MALRD1: variants seen among roughly 807,000 people sequenced by gnomAD.
MALRD1 encodes MAM and LDL receptor class A domain containing 1, also known as MAM and LDL-receptor class A domain-containing protein 1.
A neutral mutation model predicts 242.1 loss-of-function variants in MALRD1; 247 were observed. The ratio of observed to expected loss-of-function variants is 1.02; its 90% CI spans 0.92 to 1.13. The LOEUF is 1.13. MALRD1 is among the 50% of genes most tolerant of loss of function. MALRD1 has a pLI of 0.00. For missense variants in MALRD1, 2,989 were observed against 2,533.1 expected (o/e 1.18, Z -3.86); for synonymous variants, 995 against 866.6 (o/e 1.15, Z -2.60).
At position 19,068,801 on chromosome 10, in the gene MALRD1, G is replaced by A. The variant is rs565978797; in HGVS notation, c.340+1942G>A. 4.6e-5 allele frequency among the ~76,000 whole-genome samples: 7 copies of A among 152,160 alleles called. No individual in the cohort carries two copies. The East Asian group carries it at 1.2e-3, about 25-fold the overall frequency. On this transcript the variant is annotated intron_variant, in intron 2 of 39. Coordinates refer to ENST00000454679, the MANE Select transcript of MALRD1 (RefSeq NM_001142308.3). ...TTTTTGATTAACTTACTCTTGAAATGATTTGCCAGTGCTCCAAAATTATAT... is the reference window on the plus strand; with the variant it reads ...TTTTTGATTAACTTACTCTTGAAATAATTTGCCAGTGCTCCAAAATTATAT...
At chr10:19,244,442 A>T (rs896651620) in intron 18 of MALRD1, among the ~76,000 whole-genome samples, 1 of 152,040 alleles carries the variant, frequency 6.6e-6, no homozygotes, top group African/African-American at 2.4e-5. Flanking sequence ...ATGGTGGCAC[A>T]TGCCTGTGGT....
At chr10:19,344,561 A>C (rs1255333545) in intron 24 of MALRD1, among the ~76,000 whole-genome samples, 1 of 152,012 alleles carries the variant, frequency 6.6e-6, no homozygotes, top group African/African-American at 2.4e-5. Context: ...TGTATCATAA[A>C]TCTTGAAATC....
At chr10:19,458,960 TATC>T (rs1017242007) in intron 29 of MALRD1, among the ~76,000 whole-genome samples, 17 of 152,166 alleles carry the variant, frequency 1.1e-4, no homozygotes, top group African/African-American at 4.1e-4. Context: ...TTTAAAAGTA[TATC>T]ATCAAGCCCA....
chr10:19,519,772 A>G (rs1564408977), intron 31 of MALRD1, among the ~76,000 whole-genome samples: 1 of 152,178 alleles, frequency 6.6e-6, no homozygotes, highest in African/African-American at 2.4e-5. Context: ...TCAAACAACA[A>G]TAACAAAAAA....
intron 32 of MALRD1, among the ~76,000 whole-genome samples, chr10:19,564,518 T>A (rs1286946433): frequency 1.3e-5 from 2 of 152,052 alleles, no homozygotes; most frequent in Non-Finnish European, 2.9e-5. Context: ...AAAGTTATGC[T>A]AAAATTATTA....
At position 19,231,840 on chromosome 10, in the gene MALRD1, TTG is replaced by T. The variant is rs376226553; in HGVS notation, c.2991+22162_2991+22163del. 1.7e-3 allele frequency among the ~76,000 whole-genome samples: 263 copies of T among 150,776 alleles called. 1 individual carries two copies. Among genetic ancestry groups the T allele is most frequent in the South Asian group, 0.011 (54 of 4,822 alleles). On this transcript the variant is annotated intron_variant, in intron 18 of 39. Coordinates refer to ENST00000454679, the MANE Select transcript of MALRD1 (RefSeq NM_001142308.3). ...GATCACCGAGTCCCGCTTTCTGTTT[TTG>T]TTTTTTTTCTAGCCTATATTTCTAC...
intron 33 of MALRD1, among the ~76,000 whole-genome samples, chr10:19,586,349 T>C (rs1250123379): frequency 6.6e-6 from 1 of 152,190 alleles, no homozygotes; most frequent in Admixed American, 6.5e-5. Context: ...TTCCCCATTT[T>C]TGTGGTTTTA....
intron 33 of MALRD1, among the ~76,000 whole-genome samples, chr10:19,580,483 C>G (rs901226382): frequency 6.6e-6 from 1 of 152,208 alleles, no homozygotes; most frequent in Non-Finnish European, 1.5e-5. Context: ...CATCGCCCAT[C>G]ATCCACTGCC....
At chr10:19,225,613 A>T (rs747750649) in intron 18 of MALRD1, among the ~76,000 whole-genome samples, 1 of 152,148 alleles carries the variant, frequency 6.6e-6, no homozygotes, top group Non-Finnish European at 1.5e-5. Context: ...TTCTAACTGC[A>T]GTGCTCCTGT....
At chr10:19,534,358 G>A (rs1379939702) in intron 32 of MALRD1, among the ~76,000 whole-genome samples, 1 of 152,184 alleles carries the variant, frequency 6.6e-6, no homozygotes, top group African/African-American at 2.4e-5. Flanking sequence ...AACCAGTGAA[G>A]TGGAAACCCA....
Position 19,456,874 on chromosome 10 carries a change from G to A in MALRD1, c.5029+6384G>A, listed in dbSNP as rs1458097656. Among the ~76,000 whole-genome samples the A allele has an allele frequency of 2.6e-5, 4 of 151,788 alleles. No individual in the cohort carries two copies. The East Asian group carries it at 7.7e-4, about 29-fold the overall frequency. On this transcript the variant is annotated intron_variant, in intron 29 of 39. Transcript: ENST00000454679. ...TGCAACCTCCACCTCCTGGGTTCAA[G>A]CGATTCTCATGCCTCAGCCTCGTGA...
intron 15 of MALRD1, 25 bp from the exon 16 acceptor site, chr10:19,204,283 T>TTTG: frequency 1.2e-6 from 1 of 847,942 alleles, no homozygotes; most frequent in Non-Finnish European, 1.6e-6. Flanking sequence ...AATGAAGCGT[T>TTTG]TTTTTTTTTT....
At chr10:19,324,354 T>C (rs1394668518) in intron 22 of MALRD1, among the ~76,000 whole-genome samples, 1 of 152,174 alleles carries the variant, frequency 6.6e-6, no homozygotes, top group Non-Finnish European at 1.5e-5. Context: ...GGTAATACTA[T>C]TTTACACTTG....
chr10:19,640,131 C>T (rs1840317752), intron 36 of MALRD1, among the ~76,000 whole-genome samples: 1 of 152,016 alleles, frequency 6.6e-6, no homozygotes, highest in African/African-American at 2.4e-5. Flanking sequence ...CTCTTGTCAC[C>T]CAGGCTGGAG....
chr10:19,607,440 T>C (rs995394007), intron 34 of MALRD1, among the ~76,000 whole-genome samples: 2 of 152,066 alleles, frequency 1.3e-5, no homozygotes, highest in Admixed American at 6.6e-5. Context: ...TCTCTCTTCT[T>C]ATAACCTTTG....
At chr10:19,446,595 C>T (rs1290537170) in intron 28 of MALRD1, among the ~76,000 whole-genome samples, 1 of 151,866 alleles carries the variant, frequency 6.6e-6, no homozygotes, top group Non-Finnish European at 1.5e-5. Flanking sequence ...TTGCACAGCC[C>T]ATAAAGGAAA....
chr10:19,230,562 A>C (rs1023514303), intron 18 of MALRD1, among the ~76,000 whole-genome samples: 7 of 152,180 alleles, frequency 4.6e-5, no homozygotes, highest in African/African-American at 9.7e-5. Context: ...GGACAGCACC[A>C]AGCCATTCAG....
chr10:19,218,280 A>C (rs1837411270), intron 18 of MALRD1, among the ~76,000 whole-genome samples: 1 of 152,162 alleles, frequency 6.6e-6, no homozygotes, highest in Non-Finnish European at 1.5e-5. Context: ...TGACAGGTGA[A>C]TATTACTTTG....
rs1392141153 is a variant in MALRD1 at position 19,732,098 on chromosome 10, G to T, written c.6390+1317G>T. On this transcript the variant is annotated intron_variant, in intron 39 of 39. Transcript: ENST00000454679. Reference sequence around the variant, plus strand: ...AAGCACAGAGAAAATGAATTTAGATGATTCGACAAGTAAATCAAGACAGAG... The same window carrying T: ...AAGCACAGAGAAAATGAATTTAGATTATTCGACAAGTAAATCAAGACAGAG... 3.9e-5 allele frequency among the ~76,000 whole-genome samples: 6 copies of T among 152,222 alleles called. No individual in the cohort carries two copies. The East Asian group carries it at 9.6e-4, about 24-fold the overall frequency.
Sources: allele counts gnomAD v4.1 joint callset (sites outside exome capture counted in the v4.1 genomes callset), GRCh38; gene constraint gnomAD v4.1.1; transcripts MANE v1.5; gene names NCBI Gene and HGNC (gene_info 2026-07-23, HGNC 2026-07-21).